R3HDM1: variants seen among roughly 807,000 people sequenced by gnomAD.
R3HDM1 encodes R3H domain containing 1.
R3HDM1 carries 46 observed loss-of-function variants against 141.1 expected under a neutral mutation model. The observed-to-expected ratio is 0.33, with a 90% CI of 0.26 to 0.42. R3HDM1 has a LOEUF of 0.42. Ranked by LOEUF, R3HDM1 falls within the 10% of genes least tolerant of loss-of-function variation. R3HDM1 has a pLI of 1.00. For synonymous variants in R3HDM1, 435 were observed against 472.9 expected, an observed-to-expected ratio of 0.92 and a Z score of 1.04; for missense variants, 1,184 against 1,368.3, an observed-to-expected ratio of 0.87 and a Z score of 2.12.
rs1389779241 is a variant in R3HDM1, at chr2:135,682,866, G to A, written c.2459+2542G>A. On this transcript the variant is annotated intron_variant, in intron 21 of 26. Transcript: ENST00000683871. ...ACAAAAATTAGCCAGGCGTGGTGGCGAGCACCTGTAATCCCAGCTACTCGG... is the reference window on the plus strand; with the variant it reads ...ACAAAAATTAGCCAGGCGTGGTGGCAAGCACCTGTAATCCCAGCTACTCGG... 8.5e-5 allele frequency among the ~76,000 whole-genome samples: 13 copies of A among 152,084 alleles called. No individual in the cohort carries two copies. The East Asian group carries it at 1.2e-3, about 14-fold the overall frequency.
At chr2:135,532,910 C>G (rs1443811463) in intron 1 of R3HDM1, among the ~76,000 whole-genome samples, 1 of 152,160 alleles carries the variant, frequency 6.6e-6, no homozygotes, top group Non-Finnish European at 1.5e-5. Flanking sequence ...ATCATGGATT[C>G]TATAGTCTGT....
intron 23 of R3HDM1, among the ~76,000 whole-genome samples, chr2:135,710,492 A>C (rs12614099): frequency 6.6e-6 from 1 of 152,098 alleles, no homozygotes; most frequent in Non-Finnish European, 1.5e-5. Context: ...TGGCACATGC[A>C]AAAATACAAA....
chr2:135,629,618 A>C (rs920593122), intron 7 of R3HDM1, among the ~76,000 whole-genome samples: 5 of 152,350 alleles, frequency 3.3e-5, no homozygotes, highest in Middle Eastern at 3.4e-3. Flanking sequence ...GAATATAAGA[A>C]TATTTCAGCA....
At chr2:135,652,259 T>G (rs2065229396) in intron 18 of R3HDM1, among the ~76,000 whole-genome samples, 1 of 152,132 alleles carries the variant, frequency 6.6e-6, no homozygotes, top group African/African-American at 2.4e-5. Context: ...TTTGAGGGGT[T>G]TTTTTTCTGA....
intron 24 of R3HDM1, among the ~76,000 whole-genome samples, chr2:135,716,826 C>T (rs1339478980): frequency 1.3e-5 from 2 of 152,068 alleles, no homozygotes; most frequent in Admixed American, 6.6e-5. Flanking sequence ...GTGGCAGGCA[C>T]CTATAATCCC....
intron 3 of R3HDM1, among the ~76,000 whole-genome samples, chr2:135,613,539 G>C (rs2060740272): frequency 6.6e-6 from 1 of 152,184 alleles, no homozygotes; most frequent in Admixed American, 6.5e-5. Flanking sequence ...AAATCCAGCA[G>C]GGTATGGTAG....
chr2:135,630,959 G>A (rs1172378659), intron 7 of R3HDM1, among the ~76,000 whole-genome samples: 1 of 152,016 alleles, frequency 6.6e-6, no homozygotes, highest in African/African-American at 2.4e-5. Flanking sequence ...GTGATCTAAA[G>A]GAGCACATAC....
intron 19 of R3HDM1, among the ~76,000 whole-genome samples, chr2:135,674,982 A>T (rs2068937510): frequency 6.8e-6 from 1 of 147,650 alleles, no homozygotes. Context: ...TTTTCCATTT[A>T]CTCTGGGCTC....
At chr2:135,720,603 C>T (rs1447220126) in intron 24 of R3HDM1, among the ~76,000 whole-genome samples, 1 of 152,174 alleles carries the variant, frequency 6.6e-6, no homozygotes, top group Non-Finnish European at 1.5e-5. Flanking sequence ...CTCATTAACC[C>T]ACATTTACTG....
chr2:135,660,497 T>C (rs899847737), intron 18 of R3HDM1, among the ~76,000 whole-genome samples: 1 of 152,162 alleles, frequency 6.6e-6, no homozygotes, highest in Non-Finnish European at 1.5e-5. Flanking sequence ...GGCATCATGT[T>C]GGTACTCAGA....
At chr2:135,647,475 G>T (rs909728526) in intron 16 of R3HDM1, among the ~76,000 whole-genome samples, 1 of 152,100 alleles carries the variant, frequency 6.6e-6, no homozygotes, top group Non-Finnish European at 1.5e-5. Flanking sequence ...TTAGAACTTT[G>T]TCTGATTTAG....
At chr2:135,659,441 CT>C (rs112949059) in intron 18 of R3HDM1, among the ~76,000 whole-genome samples, 517 of 143,240 alleles carry the variant, frequency 3.6e-3, no homozygotes, top group Middle Eastern at 7.2e-3. Context: ...GGACTACATT[CT>C]TTTTTTTTTT....
chr2:135,573,380 A>G (rs548131485), intron 1 of R3HDM1, among the ~76,000 whole-genome samples: 1 of 152,196 alleles, frequency 6.6e-6, no homozygotes, highest in Non-Finnish European at 1.5e-5. Flanking sequence ...AGATCCTGGC[A>G]TGTGATCTCT....
intron 21 of R3HDM1, among the ~76,000 whole-genome samples, chr2:135,708,291 C>T (rs972249589): frequency 5.9e-5 from 9 of 152,088 alleles, no homozygotes; most frequent in African/African-American, 1.4e-4. Flanking sequence ...CCTTCTGCCC[C>T]GCAAATATTG....
intron 1 of R3HDM1, among the ~76,000 whole-genome samples, chr2:135,548,621 G>A (rs1293798093): frequency 5.3e-5 from 8 of 150,048 alleles, no homozygotes; most frequent in Non-Finnish European, 1.5e-5. Flanking sequence ...CAAAATTTCC[G>A]ATTCTTTTCC....
At chr2:135,533,930 C>A in intron 1 of R3HDM1, 1 of 889,818 alleles carries the variant, frequency 1.1e-6, no homozygotes, top group Non-Finnish European at 1.3e-6. Flanking sequence ...TAGCATTGTG[C>A]CTGACACAGT....
chr2:135,595,687 G>A (rs534542393), intron 1 of R3HDM1, among the ~76,000 whole-genome samples: 1 of 152,284 alleles, frequency 6.6e-6, no homozygotes, highest in Admixed American at 6.5e-5. Context: ...CTCTGCACTA[G>A]AATGTAAGCA....
intron 21 of R3HDM1, among the ~76,000 whole-genome samples, chr2:135,696,611 C>T (rs2073287083): frequency 6.6e-6 from 1 of 151,966 alleles, no homozygotes; most frequent in Non-Finnish European, 1.5e-5. Context: ...CCTGCGTCAG[C>T]CTCCCAAGTA....
chr2:135,670,155 A>AAT, intron 19 of R3HDM1: 1 of 321,716 alleles, frequency 3.1e-6, no homozygotes, highest in Non-Finnish European at 4.4e-6. Flanking sequence ...AAAAAAAAAA[A>AAT]AAACCAACAA....
Sources: gnomAD v4.1 joint callset for allele counts (sites outside exome capture counted in the v4.1 genomes callset) on GRCh38, gnomAD v4.1.1 for gene constraint, MANE v1.5 for transcripts, NCBI Gene and HGNC (gene_info 2026-07-23, HGNC 2026-07-21) for gene names.